TANC2: variants seen among roughly 807,000 people sequenced by gnomAD.
TANC2 encodes the protein protein TANC2.
In TANC2, 26 loss-of-function variants were observed where a neutral mutation model predicts 210.5. The observed-to-expected ratio is 0.12, with a 90% CI of 0.09 to 0.17. The LOEUF (loss-of-function observed/expected upper bound fraction) is 0.17, where lower values mean the gene tolerates loss of function less well. Ranked by LOEUF, TANC2 falls within the 10% of genes least tolerant of loss-of-function variation. The pLI is 1.00. For synonymous variants in TANC2, 931 were observed against 967.1 expected (o/e 0.96, Z 0.69); for missense variants, 2,129 against 2,608.9 (o/e 0.82, Z 4.01).
intron 7 of TANC2, among the ~76,000 whole-genome samples, chr17:63,229,556 T>G (rs74906636): frequency 1.3e-4 from 3 of 23,832 alleles, no homozygotes; most frequent in Middle Eastern, 0.015. Context: ...TGGTCCTGGG[T>G]TTTTTTTTTT....
At chr17:63,291,235 G>A (rs111787261) in intron 9 of TANC2, among the ~76,000 whole-genome samples, 173 of 152,314 alleles carry the variant, frequency 1.1e-3, no homozygotes, top group Non-Finnish European at 1.9e-3. Context: ...CAGGGAATGT[G>A]TTCCTGAAAG....
chr17:63,117,986 AT>A (rs1160131428), intron 4 of TANC2, among the ~76,000 whole-genome samples: 1 of 152,206 alleles, frequency 6.6e-6, no homozygotes, highest in Non-Finnish European at 1.5e-5. Flanking sequence ...ATGGTTTTAT[AT>A]TTTAAAAAAG....
intron 5 of TANC2, among the ~76,000 whole-genome samples, chr17:63,164,821 C>G (rs1461629290): frequency 3.3e-5 from 5 of 152,154 alleles, no homozygotes. Context: ...TATTCAGACC[C>G]TCAGCAGATT....
chr17:63,070,061 T>G (rs2036340466), intron 2 of TANC2, among the ~76,000 whole-genome samples: 1 of 152,232 alleles, frequency 6.6e-6, no homozygotes, highest in Non-Finnish European at 1.5e-5. Context: ...TGGATTTTCA[T>G]ATTCAAAATA....
exon 4 of TANC2, chr17:63,099,330 C>T (rs1191147433): frequency 5.8e-6 from 9 of 1,538,950 alleles, no homozygotes; most frequent in Admixed American, 2.0e-5. Flanking sequence ...TATCAGTGTT[C>T]GGCTCCAGCC....
intron 11 of TANC2, among the ~76,000 whole-genome samples, chr17:63,319,539 C>T (rs564840413): frequency 5.7e-4 from 86 of 152,198 alleles, no homozygotes; most frequent in African/African-American, 1.9e-3. Flanking sequence ...TTAGTAGAGA[C>T]GGGGTTTTGC....
At chr17:63,044,078 A>G (rs1218746546) in intron 2 of TANC2, among the ~76,000 whole-genome samples, 1 of 152,120 alleles carries the variant, frequency 6.6e-6, no homozygotes, top group Non-Finnish European at 1.5e-5. Flanking sequence ...TGCGTTAAGA[A>G]TGAATTTTCT....
intron 9 of TANC2, among the ~76,000 whole-genome samples, chr17:63,296,197 A>C (rs2044531251): frequency 6.6e-6 from 1 of 152,236 alleles, no homozygotes; most frequent in South Asian, 2.1e-4. Flanking sequence ...CATCTTTTTC[A>C]GAATTCTGGA....
At chr17:63,162,448 C>G (rs2145492268) in intron 5 of TANC2, among the ~76,000 whole-genome samples, 1 of 152,136 alleles carries the variant, frequency 6.6e-6, no homozygotes, top group East Asian at 1.9e-4. Flanking sequence ...ATGAGACAAG[C>G]AAGGATTTTC....
intron 8 of TANC2, among the ~76,000 whole-genome samples, chr17:63,246,242 A>AAT (rs2042916119): frequency 1.1e-5 from 1 of 90,478 alleles, no homozygotes; most frequent in South Asian, 3.1e-4. Flanking sequence ...ACTGGCCAGA[A>AAT]CTTTTTTTTT....
intron 3 of TANC2, among the ~76,000 whole-genome samples, chr17:63,076,698 A>G (rs1485359267): frequency 6.6e-6 from 1 of 152,172 alleles, no homozygotes; most frequent in African/African-American, 2.4e-5. Flanking sequence ...ATCCCCAGAA[A>G]TAAGAGAAAA....
At chr17:63,123,824 C>T (rs1318811782) in intron 4 of TANC2, among the ~76,000 whole-genome samples, 2 of 149,712 alleles carry the variant, frequency 1.3e-5, no homozygotes, top group Non-Finnish European at 3.0e-5. Context: ...GCCTCAGCCT[C>T]CCGAGTAGCT....
chr17:63,324,481 G>GCA (rs145886317), intron 11 of TANC2, among the ~76,000 whole-genome samples: 15 of 151,470 alleles, frequency 9.9e-5, no homozygotes, highest in South Asian at 6.3e-4. Context: ...CCAGAAACAT[G>GCA]CACACACACA....
intron 2 of TANC2, among the ~76,000 whole-genome samples, chr17:63,014,712 ATAT>A (rs1423958305): frequency 1.3e-5 from 2 of 152,216 alleles, no homozygotes; most frequent in Non-Finnish European, 2.9e-5. Context: ...AGTAGAAATT[ATAT>A]TATTAAATCC....
chr17:63,377,292 C>A (rs989688809), intron 14 of TANC2, among the ~76,000 whole-genome samples: 1 of 152,172 alleles, frequency 6.6e-6, no homozygotes, highest in Non-Finnish European at 1.5e-5. Flanking sequence ...TTAGATTTCT[C>A]CCTAGAAAAT....
chr17:63,004,602 A>C (rs1194812721), intron 1 of TANC2: 1 of 196,544 alleles, frequency 5.1e-6, no homozygotes, highest in Non-Finnish European at 1.0e-5. Flanking sequence ...TAAAAAAAAA[A>C]AAAAAAAAGG....
exon 9 of TANC2, chr17:63,267,836 G>C: frequency 6.2e-7 from 1 of 1,612,996 alleles, no homozygotes; most frequent in Non-Finnish European, 8.5e-7. Context: ...TGCCAAGACA[G>C]AGCATGGGTG....
intron 5 of TANC2, among the ~76,000 whole-genome samples, chr17:63,162,295 C>G (rs1030213093): frequency 1.4e-5 from 2 of 141,932 alleles, no homozygotes; most frequent in Non-Finnish European, 3.1e-5. Flanking sequence ...AGAACAAGAC[C>G]CTGTCTGGAA....
intron 5 of TANC2, chr17:63,152,350 TAAAAC>T (rs1376870983): frequency 6.6e-6 from 1 of 152,026 alleles, no homozygotes; most frequent in Non-Finnish European, 1.5e-5. Flanking sequence ...TAGGACATAG[TAAAAC>T]AAAAAACAAA....
Sources: gnomAD v4.1 joint callset for allele counts (sites outside exome capture counted in the v4.1 genomes callset) on GRCh38, gnomAD v4.1.1 for gene constraint, MANE v1.5 for transcripts, NCBI Gene and HGNC (gene_info 2026-07-23, HGNC 2026-07-21) for gene names.